The following SIRPB1 variants were observed in gnomAD, a reference collection of about 807,000 sequenced individuals.
The protein encoded by SIRPB1 is signal regulatory protein beta 1.
A neutral mutation model predicts 34.1 loss-of-function variants in SIRPB1; 28 were observed. The observed-to-expected ratio is 0.82, with a 90% CI of 0.61 to 1.12. The LOEUF (loss-of-function observed/expected upper bound fraction) is 1.12, where lower values mean the gene tolerates loss of function less well. Among genes scored for constraint, SIRPB1 ranks in the 50% most tolerant of loss-of-function variants. SIRPB1 has a pLI of 0.00. For synonymous variants in SIRPB1, 211 were observed against 203.8 expected (o/e 1.04, Z -0.30); for missense variants, 499 against 507.0 (o/e 0.98, Z 0.15).
Position 1,609,682 on chromosome 20 carries a change from T to G in SIRPB1, c.76+10187A>C, listed in dbSNP as rs1417181194. On this transcript the variant is annotated intron_variant, in intron 1 of 5. Coordinates refer to ENST00000381605, the MANE Select transcript of SIRPB1 (RefSeq NM_006065.5). ...GGCACGGTGGCTTATGCCTGTAATC[T>G]GAGCACTCTGGGAGGCTAAAGTGGG... 6.9e-5 allele frequency among the ~76,000 whole-genome samples: 5 copies of G among 72,774 alleles called. 2 individuals carry two copies. The highest frequency in any genetic ancestry group is 1.3e-4 in the Non-Finnish European group (5 of 38,748). 47.7% of individuals were successfully genotyped at this position (72,774 alleles called of 152,430 possible).
chr20:1,569,837 G>T (rs148137938), intron 4 of SIRPB1, among the ~76,000 whole-genome samples: 1 of 152,180 alleles, frequency 6.6e-6, no homozygotes, highest in Non-Finnish European at 1.5e-5. Flanking sequence ...GATGTATTCG[G>T]GTCAAAGCAC....
At chr20:1,578,247 C>T in intron 2 of SIRPB1, 91 bp downstream of exon 2, 2 of 1,395,066 alleles carry the variant, frequency 1.4e-6, no homozygotes, top group Non-Finnish European at 1.0e-6. Flanking sequence ...TCAGCCACCA[C>T]CACACCTGGC....
intron 2 of SIRPB1, among the ~76,000 whole-genome samples, chr20:1,572,924 G>T (rs191433751): frequency 0.071 from 9,956 of 140,684 alleles, 453 homozygotes; most frequent in Middle Eastern, 0.11. Flanking sequence ...GTACTTTAAT[G>T]AAATAACCAA....
intron 4 of SIRPB1, 144 bp downstream of exon 4, chr20:1,570,661 T>TAG (rs1276729326): frequency 2.2e-5 from 15 of 679,350 alleles, no homozygotes; most frequent in Non-Finnish European, 3.2e-5. Flanking sequence ...TAAGTAGTGG[T>TAG]GACCCATGGA....
Position 1,578,489 on chromosome 20 carries a change from T to G in SIRPB1, c.282A>C (p.Glu94Asp), listed in dbSNP as rs145689140. The change falls in exon 2 of 6, where the codon GAA (glutamate) becomes GAC (aspartate). Residue 94 changes from glutamate (E) to aspartate (D), a missense_variant. Glu to Asp is a conservative substitution (Grantham distance 45, BLOSUM62 2). Transcript: ENST00000381605. ...GHFPRVTTVS[E>D]LTKRNNLDFS... Reference sequence around the variant, plus strand: ...AGTCCAGGTTGTTTCTCTTTGTGAGTTCTGAAACAGTTGTTACCCGTGGGA... The same window carrying G: ...AGTCCAGGTTGTTTCTCTTTGTGAGGTCTGAAACAGTTGTTACCCGTGGGA... 1.8e-3 allele frequency: 2,838 copies of G among 1,561,292 alleles called. 184 individuals are homozygous for G. In the African/African-American group the frequency reaches 0.032, roughly 18 times the overall value.
chr20:1,567,130 T>G (rs1871716610), intron 4 of SIRPB1, among the ~76,000 whole-genome samples: 1 of 152,154 alleles, frequency 6.6e-6, no homozygotes, highest in African/African-American at 2.4e-5. Context: ...TGGTGGGTCC[T>G]TAAGGAAGGA....
chr20:1,571,953 C>T lies in SIRPB1; in HGVS notation c.518G>A (p.Gly173Asp). 1.2e-6 allele frequency: 2 copies of T among 1,614,160 alleles called. No homozygotes were observed. Reference protein sequence around the residue: ...HTVSFTCESHGFSPRDITLKW... With the variant: ...HTVSFTCESHDFSPRDITLKW... ...CAGGGTGATGTCTCTGGGAGAGAAG[C>T]CATGGGACTCGCAGGTGAAGCTCAC... Residue 173 changes from glycine to aspartate, a missense_variant, in exon 3 of 6, where the codon GGC becomes GAC. By Grantham distance (94) the Gly-to-Asp change is moderately conservative. Coordinates refer to ENST00000381605, the MANE Select transcript of SIRPB1 (RefSeq NM_006065.5).
chr20:1,563,783 C>A lies in SIRPB1; in HGVS notation c.*1717G>T, dbSNP rs567860783. On this transcript the variant is annotated 3_prime_UTR_variant, in exon 6 of 6. Coordinates refer to ENST00000381605, the MANE Select transcript of SIRPB1 (RefSeq NM_006065.5). ...GGACTTGCCACACACTTTCAAAAAA[C>A]CAGATCTCATGAGAACTCACTGAGA... is the stretch of plus-strand genomic sequence containing the variant. 6.6e-6 allele frequency: 1 copy of A among 151,990 alleles called. No individual in the cohort carries two copies. Among genetic ancestry groups the A allele is most frequent in the East Asian group, 1.9e-4 (1 of 5,154 alleles). The allele number at this position is 151,990 out of a possible 1,614,324, so 9.4% of individuals were successfully genotyped here.
At chr20:1,587,605 A>T (rs2091428542) in intron 1 of SIRPB1, among the ~76,000 whole-genome samples, 1 of 49,886 alleles carries the variant, frequency 2.0e-5, no homozygotes, top group African/African-American at 1.3e-4. Context: ...CCTAAAAGGC[A>T]TGTGTTGAAG....
At position 1,599,555 on chromosome 20, in the gene SIRPB1, C is replaced by T. The variant is rs1296360986; in HGVS notation, c.76+20314G>A. On this transcript the variant is annotated intron_variant, in intron 1 of 5. Transcript: ENST00000381605. ...AGCCCTTCAGAAATGCAAATATAAC[C>T]TTTCACCTCCCCCTCACCAGACATT... 4.1e-5 allele frequency among the ~76,000 whole-genome samples: 2 copies of T among 48,730 alleles called. 1 individual carries two copies. The highest frequency in any genetic ancestry group is 2.7e-4 in the African/African-American group (2 of 7,354). The allele number at this position is 48,730 out of a possible 152,430, so 32.0% of individuals were successfully genotyped here.
chr20:1,611,246 G>A lies in SIRPB1; in HGVS notation c.76+8623C>T. The stretch of plus-strand genomic sequence containing the variant: ...GAAGGGGTGACATCAGTTCATGAAA[G>A]GGTGGCTGCTCAGCCACCACCACAC... On this transcript the variant is annotated intron_variant, in intron 1 of 5. Coordinates refer to ENST00000381605, the MANE Select transcript of SIRPB1 (RefSeq NM_006065.5). 3.1e-5 allele frequency: 15 copies of A among 487,128 alleles called. 5 individuals are homozygous for A. The highest frequency in any genetic ancestry group is 4.0e-5 in the Non-Finnish European group (13 of 326,094). 30.2% of individuals were successfully genotyped at this position (487,128 alleles called of 1,614,324 possible).
chr20:1,566,361 C>A (rs2091135320), intron 4 of SIRPB1, 94 bp from the exon 5 acceptor site: 1 of 671,398 alleles, frequency 1.5e-6, no homozygotes, highest in South Asian at 1.9e-5. Context: ...TACCTGGGCC[C>A]ATCAATCCTC....
chr20:1,577,923 G>C (rs1326563101), intron 2 of SIRPB1, among the ~76,000 whole-genome samples: 1 of 147,950 alleles, frequency 6.8e-6, no homozygotes, highest in Non-Finnish European at 1.5e-5. Context: ...CTGGCACACA[G>C]TGGGGTCTCA....
At chr20:1,611,547 C>T (rs371465078) in intron 1 of SIRPB1, 122,002 of 843,724 alleles carry the variant, frequency 0.14, 49,909 homozygotes, top group East Asian at 0.64. Context: ...GGCCTTCTTT[C>T]TGATTGTAGA....
chr20:1,568,607 C>T (rs539621486), intron 4 of SIRPB1, among the ~76,000 whole-genome samples: 2 of 152,102 alleles, frequency 1.3e-5, no homozygotes, highest in African/African-American at 2.4e-5. Context: ...GGTGGAAGAG[C>T]GAGGTAAGAA....
At chr20:1,613,989 A>T (rs1162643208) in intron 1 of SIRPB1, among the ~76,000 whole-genome samples, 1 of 152,226 alleles carries the variant, frequency 6.6e-6, no homozygotes, top group Non-Finnish European at 1.5e-5. Flanking sequence ...GAATCCTTAA[A>T]GCAGCAAGAC....
At position 1,562,397 on chromosome 20, in the gene SIRPB1, C is replaced by T. The variant is rs552400930; in HGVS notation, c.*3103G>A. ...AAAAAATTGACAGCCTATTATATGGCAGACACAGTTCTGGCAACTGAGGAT... is the reference window on the plus strand; with the variant it reads ...AAAAAATTGACAGCCTATTATATGGTAGACACAGTTCTGGCAACTGAGGAT... On this transcript the variant is annotated 3_prime_UTR_variant, in exon 6 of 6. Transcript: ENST00000381605. 4.6e-5 allele frequency among the ~76,000 whole-genome samples: 7 copies of T among 152,252 alleles called. No individual in the cohort carries two copies. The highest frequency in any genetic ancestry group is 1.7e-4 in the African/African-American group (7 of 41,564).
intron 1 of SIRPB1, among the ~76,000 whole-genome samples, chr20:1,613,476 A>G (rs2091587116): frequency 7.3e-6 from 1 of 137,110 alleles, no homozygotes; most frequent in Non-Finnish European, 1.5e-5. Flanking sequence ...GGTAAAGGAA[A>G]TAACGGACCA....
In SIRPB1 at chr20:1,611,351, A is replaced by G; in HGVS notation, c.76+8518T>C. Reference sequence around the variant, plus strand: ...AGGGGATGAAGGAAGCCCACGCTGTACTCACCACGCACAGACAGCTCGGTG... The same window carrying G: ...AGGGGATGAAGGAAGCCCACGCTGTGCTCACCACGCACAGACAGCTCGGTG... On this transcript the variant is annotated intron_variant, in intron 1 of 5. Transcript: ENST00000381605. 2.2e-6 allele frequency: 2 copies of G among 893,750 alleles called. 1 individual carries two copies. The highest frequency in any genetic ancestry group is 2.9e-6 in the Non-Finnish European group (2 of 680,268). 55.4% of individuals were successfully genotyped at this position (893,750 alleles called of 1,614,324 possible).
Sources: allele counts gnomAD v4.1 joint callset (sites outside exome capture counted in the v4.1 genomes callset), GRCh38; gene constraint gnomAD v4.1.1; transcripts MANE v1.5; gene names NCBI Gene and HGNC (gene_info 2026-07-23, HGNC 2026-07-21).